The following WWC2 variants were observed in gnomAD, a reference collection of about 807,000 sequenced individuals.
WWC2 encodes the protein WW and C2 domain containing 2, also known as protein WWC2.
In WWC2, 101 loss-of-function variants were observed where a neutral mutation model predicts 138.5. The observed-to-expected ratio is 0.73, with a 90% CI of 0.62 to 0.86. The LOEUF (loss-of-function observed/expected upper bound fraction) is 0.86. Ranked by LOEUF, WWC2 falls within the 40% of genes least tolerant of loss-of-function variation. The pLI is 0.00. For missense variants in WWC2, 1,420 were observed against 1,419.4 expected (o/e 1.00, Z -0.01); for synonymous variants, 558 against 538.4 (o/e 1.04, Z -0.50).
At chr4:183,181,664 G>A (rs985138330) in intron 1 of WWC2, among the ~76,000 whole-genome samples, 1 of 152,086 alleles carries the variant, frequency 6.6e-6, no homozygotes, top group Non-Finnish European at 1.5e-5. Context: ...TTATGTATTG[G>A]TGAGGCTTCC....
intron 1 of WWC2, among the ~76,000 whole-genome samples, chr4:183,140,963 T>C (rs1042279969): frequency 4.6e-5 from 7 of 152,218 alleles, no homozygotes; most frequent in Non-Finnish European, 1.0e-4. Context: ...CTGCATAGTA[T>C]TATTTTGGGA....
chr4:183,253,449 C>T (rs1177798208), intron 8 of WWC2, among the ~76,000 whole-genome samples: 2 of 152,192 alleles, frequency 1.3e-5, no homozygotes, highest in Non-Finnish European at 2.9e-5. Flanking sequence ...GCGCCCAGAG[C>T]ACTCAGCTTT....
At chr4:183,156,520 C>T (rs550185414) in intron 1 of WWC2, among the ~76,000 whole-genome samples, 88 of 151,870 alleles carry the variant, frequency 5.8e-4, no homozygotes, top group African/African-American at 2.0e-3. Context: ...TTAGTAGAAA[C>T]GGGGTTTCAC....
At chr4:183,209,110 C>T (rs899988149) in intron 4 of WWC2, 85 bp downstream of exon 4, 2 of 938,908 alleles carry the variant, frequency 2.1e-6, no homozygotes, top group African/African-American at 1.7e-5. Context: ...GATCAGTTCT[C>T]ATCTCCATTT....
intron 1 of WWC2, among the ~76,000 whole-genome samples, chr4:183,135,596 G>T (rs1733085703): frequency 1.3e-5 from 2 of 151,812 alleles, no homozygotes; most frequent in South Asian, 4.2e-4. Flanking sequence ...AGAGAGAGAG[G>T]ACAAAAGAGC....
chr4:183,277,111 C>T (rs1737884104), intron 16 of WWC2, among the ~76,000 whole-genome samples: 3 of 149,720 alleles, frequency 2.0e-5, no homozygotes, highest in African/African-American at 7.4e-5. Flanking sequence ...GGTATATCTC[C>T]CAATGCTATC....
chr4:183,311,238 A>T (rs908259660), intron 21 of WWC2, among the ~76,000 whole-genome samples: 10 of 152,234 alleles, frequency 6.6e-5, no homozygotes, highest in Non-Finnish European at 1.5e-4. Flanking sequence ...GTGTCCATGC[A>T]CAGTACCCAA....
chr4:183,189,460 C>T (rs745856290), intron 1 of WWC2, among the ~76,000 whole-genome samples: 4 of 150,968 alleles, frequency 2.6e-5, no homozygotes, highest in Admixed American at 6.6e-5. Context: ...AAAGTTATTT[C>T]GAGGGAACTA....
At chr4:183,145,535 A>G (rs1733428952) in intron 1 of WWC2, among the ~76,000 whole-genome samples, 2 of 152,238 alleles carry the variant, frequency 1.3e-5, no homozygotes, top group Admixed American at 1.3e-4. Flanking sequence ...TGGGTTGGGC[A>G]TAGTGGTCAC....
intron 16 of WWC2, among the ~76,000 whole-genome samples, chr4:183,280,229 G>GGTTT (rs1738018362): frequency 4.6e-5 from 3 of 65,430 alleles, no homozygotes; most frequent in Non-Finnish European, 5.3e-5. Context: ...GATAGCAGCT[G>GGTTT]TTTTTTTTTT....
At chr4:183,185,779 T>C (rs950403300) in intron 1 of WWC2, among the ~76,000 whole-genome samples, 1 of 152,084 alleles carries the variant, frequency 6.6e-6, no homozygotes, top group African/African-American at 2.4e-5. Context: ...GTGTTTATTT[T>C]TTTCTCTGCC....
rs148189381 is a variant in WWC2, at chr4:183,286,039, C to T, written c.3121C>T (p.Arg1041Cys). 125 of 1,581,712 alleles carry T rather than the reference C, an allele frequency of 7.9e-5. No individual in the cohort carries two copies. Among genetic ancestry groups the T allele is most frequent in the Middle Eastern group, 5.1e-4 (3 of 5,866 alleles). ...GTTTGTGAGAAACTCCACCGAACGC[C>T]GCAGTTTGAGGGTCAAAAGGGTATG... is the stretch of plus-strand genomic sequence containing the variant. ...SLFVRNSTER[R>C]SLRVKRTVCQ... Residue 1041 changes from arginine to cysteine, a missense_variant, in exon 20 of 23, where the codon CGC becomes TGC. By Grantham distance (180) the Arg-to-Cys change is radical. Transcript: ENST00000403733.
Position 183,289,453 on chromosome 4 carries a change from G to A in WWC2, c.3202G>A (p.Asp1068Asn). ...TQECPVRTSL[D>N]LELDLQASLT... ...GGAATGCCCAGTGCGGACATCTCTA[G>A]ACTTAGAACTGGACCTTCAGGCATC... Residue 1068 changes from aspartate to asparagine, a missense_variant, in exon 21 of 23, where the codon GAC (aspartate) becomes AAC (asparagine). Coordinates refer to ENST00000403733, the MANE Select transcript of WWC2 (RefSeq NM_024949.6). 3 of 1,613,082 alleles carry A rather than the reference G, an allele frequency of 1.9e-6. No homozygotes were observed. Among genetic ancestry groups the A allele is most frequent in the Non-Finnish European group, 2.5e-6 (3 of 1,179,470 alleles).
intron 2 of WWC2, among the ~76,000 whole-genome samples, chr4:183,201,319 AT>A (rs1735293116): frequency 6.6e-6 from 1 of 152,172 alleles, no homozygotes; most frequent in African/African-American, 2.4e-5. Context: ...TCTTCTGCAT[AT>A]TTAAATATTT....
In WWC2 at chr4:183,157,531, C is replaced by T. The variant is rs192344937; in HGVS notation, c.132-36068C>T. ...ATATATTTATTTTGAGACGGAGTCT[C>T]GCACTGTTGCCCAGGCTGGAGTGCA... On this transcript the variant is annotated intron_variant, in intron 1 of 22. Coordinates refer to ENST00000403733, the MANE Select transcript of WWC2 (RefSeq NM_024949.6). Among the ~76,000 whole-genome samples the T allele has an allele frequency of 4.7e-4, 71 of 152,168 alleles. 1 individual carries two copies. The East Asian group carries it at 0.01, about 22-fold the overall frequency.
chr4:183,211,273 G>C (rs769005115), intron 4 of WWC2, among the ~76,000 whole-genome samples: 10 of 152,152 alleles, frequency 6.6e-5, no homozygotes, highest in Non-Finnish European at 1.3e-4. Context: ...GATGCCAGAT[G>C]TTCAAGACCA....
intron 1 of WWC2, among the ~76,000 whole-genome samples, chr4:183,152,588 G>A (rs910033956): frequency 2.7e-5 from 4 of 150,574 alleles, no homozygotes; most frequent in South Asian, 2.1e-4. Context: ...TTTTGTTTTC[G>A]AGAGTTGGGG....
chr4:183,213,948 G>A (rs765190320), intron 4 of WWC2, among the ~76,000 whole-genome samples: 13 of 150,180 alleles, frequency 8.7e-5, no homozygotes, highest in Non-Finnish European at 1.6e-4. Flanking sequence ...ACACAATACC[G>A]AAGTTTATAA....
chr4:183,124,377 T>G (rs376868653), intron 1 of WWC2, among the ~76,000 whole-genome samples: 1 of 151,962 alleles, frequency 6.6e-6, no homozygotes, highest in African/African-American at 2.4e-5. Context: ...TTTTTTTCCT[T>G]TCTCTAGTTC....
Sources: allele counts gnomAD v4.1 joint callset (sites outside exome capture counted in the v4.1 genomes callset), GRCh38; gene constraint gnomAD v4.1.1; transcripts MANE v1.5; gene names NCBI Gene and HGNC (gene_info 2026-07-23, HGNC 2026-07-21).